The following ISM2 variants were observed in gnomAD, a reference collection of about 807,000 sequenced individuals.
ISM2 encodes isthmin-2.
In ISM2, 50 loss-of-function variants were observed where a neutral mutation model predicts 58.0. The observed-to-expected ratio is 0.86, with a 90% CI of 0.69 to 1.09. The LOEUF (loss-of-function observed/expected upper bound fraction) is 1.09. Among genes scored for constraint, ISM2 ranks in the 50% least tolerant of loss-of-function variants. The pLI is 0.00. For missense variants in ISM2, 723 were observed against 745.0 expected (o/e 0.97, Z 0.34); for synonymous variants, 303 against 312.4 (o/e 0.97, Z 0.32).
chr14:77,484,745 G>C lies in ISM2; in HGVS notation c.316C>G (p.Arg106Gly). ...PPRTPEVTPL[R>G]LELQKLPGLA... ...CCCGGCAGCTTCTGCAGCTCCAGCCGCAACGGAGTAACCTCTGGGGTCCTG... is the reference window on the plus strand; with the variant it reads ...CCCGGCAGCTTCTGCAGCTCCAGCCCCAACGGAGTAACCTCTGGGGTCCTG... Residue 106 changes from arginine to glycine, a missense_variant, in exon 2 of 7, where the codon CGG becomes GGG. Physicochemically the swap from Arg to Gly is moderately radical, Grantham distance 125. Transcript: ENST00000342219. 6.2e-7 allele frequency: 1 copy of C among 1,612,506 alleles called. No homozygotes were observed. The highest frequency in any genetic ancestry group is 8.5e-7 in the Non-Finnish European group (1 of 1,179,696).
At chr14:77,498,230 G>A in intron 1 of ISM2, 1 of 1,289,078 alleles carries the variant, frequency 7.8e-7, no homozygotes, top group Non-Finnish European at 1.0e-6. Flanking sequence ...TCACCTGACC[G>A]TTTGAACCTC....
chr14:77,491,414 G>A (rs8012540), intron 1 of ISM2, among the ~76,000 whole-genome samples: 1 of 152,126 alleles, frequency 6.6e-6, no homozygotes, highest in African/African-American at 2.4e-5. Flanking sequence ...ATAGAGATAG[G>A]GTCTCACTCT....
At position 77,475,464 on chromosome 14, in the gene ISM2, C is replaced by T; in HGVS notation, c.*131G>A. The T allele has an allele frequency of 2.0e-6, 2 of 977,702 alleles. No individual in the cohort carries two copies. Among genetic ancestry groups the T allele is most frequent in the East Asian group, 2.5e-5 (1 of 39,884 alleles). 60.6% of individuals were successfully genotyped at this position (977,702 alleles called of 1,614,324 possible). A position where few individuals can be genotyped will look rare whatever the true frequency, so the allele number is the denominator to read the frequency against. ...GGGGTCGCTGGCAGAGGGCACACAG[C>T]CTCGGACCAACCTCACTGGGGGAGC... On this transcript the variant is annotated 3_prime_UTR_variant, in exon 7 of 7. Transcript: ENST00000342219. The surrounding 1 kb of genome is among the most constrained non-coding windows in gnomAD (Gnocchi z 4.1).
intron 1 of ISM2, among the ~76,000 whole-genome samples, chr14:77,488,398 C>T (rs536332643): frequency 1.3e-4 from 20 of 152,146 alleles, no homozygotes; most frequent in South Asian, 4.2e-4. Flanking sequence ...CACTGGTGCA[C>T]ACTATGCACG....
At chr14:77,478,417 G>T in intron 5 of ISM2, 92 bp from the exon 6 acceptor site, 1 of 1,420,290 alleles carries the variant, frequency 7.0e-7, no homozygotes, top group Non-Finnish European at 9.8e-7. Context: ...GGCTCTCAGT[G>T]CCCACAGCAG....
chr14:77,478,338 A>T lies in ISM2; in HGVS notation c.1115-13T>A, dbSNP rs906270567. The T allele has an allele frequency of 3.7e-6, 6 of 1,611,306 alleles. No individual in the cohort carries two copies. The Admixed American group carries it at 5.0e-5, about 13-fold the overall frequency. ...TTGTCCTCAGTGCCTTTGGGAGGAA[A>T]GGAGGCCAGGCTGGTGGCTCCGCAG... On this transcript the variant is annotated splice_polypyrimidine_tract_variant and intron_variant, in intron 5 of 6. Transcript: ENST00000342219.
intron 1 of ISM2, among the ~76,000 whole-genome samples, chr14:77,491,747 G>A (rs541915192): frequency 8.2e-5 from 12 of 146,336 alleles, no homozygotes; most frequent in Admixed American, 2.1e-4. Flanking sequence ...CCCAGGCTGG[G>A]GTGCAGAGGC....
In ISM2 at chr14:77,484,444, G is replaced by A. The variant is rs764310657; in HGVS notation, c.506C>T (p.Ala169Val). 3 of 1,612,960 alleles carry A rather than the reference G, an allele frequency of 1.9e-6. No homozygotes were observed. The South Asian group carries it at 3.3e-5, about 18-fold the overall frequency. The stretch of plus-strand genomic sequence containing the variant: ...AGGCGTGGCATTCCCTGGGGTCAGG[G>A]CTGCTGGCTCAGTGACAGTCCAACA... The part of the protein sequence containing the change: ...HGCWTVTEPA[A>V]LTPGNATPPR... Residue 169 changes from alanine (A) to valine (V), a missense_variant, in exon 3 of 7, where the codon GCC becomes GTC. Coordinates refer to ENST00000342219, the MANE Select transcript of ISM2 (RefSeq NM_199296.3).
At chr14:77,490,186 A>G (rs1241238929) in intron 1 of ISM2, among the ~76,000 whole-genome samples, 1 of 150,196 alleles carries the variant, frequency 6.7e-6, no homozygotes, top group East Asian at 2.0e-4. Flanking sequence ...TTTAGTAGAG[A>G]TGGGGTTTCA....
chr14:77,480,850 T>C (rs117661020), intron 4 of ISM2, among the ~76,000 whole-genome samples: 401 of 151,174 alleles, frequency 2.7e-3, no homozygotes, highest in Middle Eastern at 0.017. Flanking sequence ...TGAGCCACCA[T>C]GCCCGGCTGT....
intron 2 of ISM2, 32 bp downstream of exon 2, chr14:77,484,645 C>T: frequency 1.3e-6 from 2 of 1,588,768 alleles, no homozygotes; most frequent in Middle Eastern, 3.4e-4. Flanking sequence ...CCAGGCAGAG[C>T]CAGGAGCTGC....
chr14:77,498,157 C>T (rs11851856), intron 1 of ISM2: 127,760 of 905,842 alleles, frequency 0.14, 9,804 homozygotes, highest in Middle Eastern at 0.23. Flanking sequence ...CAGTCTCAGG[C>T]TGGCCACCCC....
At chr14:77,482,223 A>G (rs8010861) in intron 4 of ISM2, 99 bp downstream of exon 4, 67,554 of 830,718 alleles carry the variant, frequency 0.081, 3,063 homozygotes, top group African/African-American at 0.13. Context: ...GGCTTCCTCA[A>G]TGGTCTTGCC....
intron 3 of ISM2, 29 bp downstream of exon 3, chr14:77,484,294 A>C: frequency 6.2e-7 from 1 of 1,602,690 alleles, no homozygotes; most frequent in South Asian, 1.1e-5. Flanking sequence ...GGGTGTCTGC[A>C]GGGCTGCTGG....
In ISM2 at chr14:77,482,125, TA is replaced by T. The variant is rs371621754; in HGVS notation, c.973+196del. On this transcript the variant is annotated intron_variant, in intron 4 of 6. Transcript: ENST00000342219. ...GAGACCCAATCTCAAATTAAAAAAT[TA>T]AAAAAAAAAAAAAGGAAAAACTCTG... Among the ~76,000 whole-genome samples, 793 of 137,218 alleles carry T rather than the reference TA, an allele frequency of 5.8e-3. 16 individuals are homozygous for T. In the East Asian group the frequency reaches 0.068, roughly 12 times the overall value. The allele number at this position is 137,218 out of a possible 152,430, so 90.0% of individuals were successfully genotyped here.
chr14:77,487,255 A>G (rs749605325), intron 1 of ISM2, among the ~76,000 whole-genome samples: 10,374 of 149,556 alleles, frequency 0.069, 539 homozygotes, highest in Admixed American at 0.16. Flanking sequence ...AAATAAATAA[A>G]TAAATAAATA....
At chr14:77,484,622 C>T (rs1242669408) in intron 2 of ISM2, 55 bp downstream of exon 2, 1 of 1,605,850 alleles carries the variant, frequency 6.2e-7, no homozygotes, top group Admixed American at 1.7e-5. Flanking sequence ...AACAGGGACC[C>T]AGAAAAGGCT....
At position 77,475,862 on chromosome 14, in the gene ISM2, C is replaced by T; in HGVS notation, c.1449G>A (p.Glu483=). The change falls in exon 7 of 7, where the codon GAG becomes GAA. Residue 483 remains glutamate (E), a synonymous_variant. Transcript: ENST00000342219. The surrounding 1 kb of genome is among the most constrained non-coding windows in gnomAD (Gnocchi z 4.1). The part of the protein sequence containing the change: ...RFCLRSMLSG[E]SSTLAAQHCC... ...AGTGCTGGGCGGCCAGTGTGCTGCT[C>T]TCCCCAGACAGCATGGAACGCAGGC... The T allele has an allele frequency of 6.2e-7, 1 of 1,609,040 alleles. No homozygotes were observed.
Position 77,498,797 on chromosome 14 carries a change from C to G in ISM2, c.-4G>C. ...CTCGGTCGCGGAGCGCACGCATCGT[C>G]TCGGTTCCGAGGCTGCTCTGCCTGC... On this transcript the variant is annotated 5_prime_UTR_variant, in exon 1 of 7. Transcript: ENST00000342219. 1 of 1,429,970 alleles carries G rather than the reference C, an allele frequency of 7.0e-7. No homozygotes were observed. Among genetic ancestry groups the G allele is most frequent in the Non-Finnish European group, 9.1e-7 (1 of 1,101,478 alleles). The allele number at this position is 1,429,970 out of a possible 1,614,324, so 88.6% of individuals were successfully genotyped here.
Sources: allele counts gnomAD v4.1 joint callset (sites outside exome capture counted in the v4.1 genomes callset), GRCh38; gene constraint gnomAD v4.1.1; non-coding constraint Gnocchi (gnomAD v3.1); transcripts MANE v1.5; gene names NCBI Gene and HGNC (gene_info 2026-07-23, HGNC 2026-07-21).